The following SCAPER variants were observed in gnomAD, a reference collection of about 807,000 sequenced individuals.
The protein encoded by SCAPER is S phase cyclin A-associated protein in the endoplasmic reticulum.
Under a neutral mutation model 182.2 loss-of-function variants are expected in SCAPER, and 98 were observed. The ratio of observed to expected loss-of-function variants is 0.54; its 90% confidence interval spans 0.46 to 0.64. The LOEUF is 0.64. SCAPER is among the 30% of genes least tolerant of loss of function. The pLI, the probability that SCAPER is intolerant of heterozygous loss-of-function variation, is 0.00. For synonymous variants in SCAPER, 605 were observed against 564.6 expected (o/e 1.07, Z -1.01); for missense variants, 1,432 against 1,690.0 (o/e 0.85, Z 2.68).
intron 21 of SCAPER, among the ~76,000 whole-genome samples, chr15:76,658,530 T>C (rs1002145131): frequency 6.6e-6 from 1 of 152,068 alleles, no homozygotes; most frequent in Non-Finnish European, 1.5e-5. Context: ...AAACTAACAA[T>C]GATATTCTTA....
chr15:76,406,827 G>C lies in SCAPER; in HGVS notation c.3312-2148C>G, dbSNP rs567635518. Among the ~76,000 whole-genome samples, 4 of 152,260 alleles carry C rather than the reference G, an allele frequency of 2.6e-5. No individual in the cohort carries two copies. In the South Asian group the frequency reaches 8.3e-4, roughly 32 times the overall value. ...AGATGCTACCTGCTTGCTAATGCAG[G>C]AGTGAGCATGTGCTTCAGGACAGTC... is the stretch of plus-strand genomic sequence containing the variant. On this transcript the variant is annotated intron_variant, in intron 26 of 31. Coordinates refer to ENST00000563290, the MANE Select transcript of SCAPER (RefSeq NM_020843.4).
chr15:76,558,715 G>A (rs903388684), intron 23 of SCAPER, among the ~76,000 whole-genome samples: 11 of 151,922 alleles, frequency 7.2e-5, no homozygotes, highest in South Asian at 2.1e-4. Context: ...AAAGACACAC[G>A]CACATGTATG....
At chr15:76,418,365 C>T (rs2045801082) in intron 26 of SCAPER, among the ~76,000 whole-genome samples, 1 of 152,192 alleles carries the variant, frequency 6.6e-6, no homozygotes, top group Non-Finnish European at 1.5e-5. Context: ...ACTGCCACCA[C>T]AAATGCCAGC....
At chr15:76,680,701 ACT>A (rs1227680431) in intron 20 of SCAPER, among the ~76,000 whole-genome samples, 5 of 151,280 alleles carry the variant, frequency 3.3e-5, no homozygotes, top group African/African-American at 1.2e-4. Flanking sequence ...CTCCCTCTTC[ACT>A]CTCTTGCTTC....
At chr15:76,442,108 T>C (rs2047656129) in intron 25 of SCAPER, among the ~76,000 whole-genome samples, 1 of 151,994 alleles carries the variant, frequency 6.6e-6, no homozygotes, top group African/African-American at 2.4e-5. Flanking sequence ...TGGGCAAAGG[T>C]GTAAAGTGAA....
intron 23 of SCAPER, among the ~76,000 whole-genome samples, chr15:76,538,686 T>C (rs2044434566): frequency 6.6e-6 from 1 of 151,314 alleles, no homozygotes; most frequent in Non-Finnish European, 1.5e-5. Flanking sequence ...CTGCACATTG[T>C]GCACATGTAC....
chr15:76,371,979 A>C (rs1437806151), intron 29 of SCAPER, among the ~76,000 whole-genome samples: 1 of 151,782 alleles, frequency 6.6e-6, no homozygotes, highest in East Asian at 1.9e-4. Context: ...GCAGTGTCTC[A>C]GCTTCTTAGA....
chr15:76,621,763 C>T lies in SCAPER; in HGVS notation c.2711+1G>A. 6.2e-7 allele frequency: 1 copy of T among 1,604,444 alleles called. No individual in the cohort carries two copies. Reference sequence around the variant, plus strand: ...GGAGAACTAAAATGTGGAATACTCACTTTGCTTTATAAGGTGAATCAGAGC... The same window carrying T: ...GGAGAACTAAAATGTGGAATACTCATTTTGCTTTATAAGGTGAATCAGAGC... On this transcript the variant is annotated splice_donor_variant, in intron 22 of 31. Coordinates refer to ENST00000563290, the MANE Select transcript of SCAPER (RefSeq NM_020843.4). LOFTEE classifies it high-confidence loss of function.
intron 21 of SCAPER, among the ~76,000 whole-genome samples, chr15:76,639,928 T>C (rs1392856562): frequency 6.6e-6 from 1 of 152,190 alleles, no homozygotes; most frequent in Admixed American, 6.5e-5. Flanking sequence ...TTAATCAATA[T>C]CATAGTATTT....
At chr15:76,362,098 GA>G (rs201065317) in intron 29 of SCAPER, among the ~76,000 whole-genome samples, 1,692 of 151,668 alleles carry the variant, frequency 0.011, 36 homozygotes, top group African/African-American at 0.038. Context: ...TCAGCCTCTC[GA>G]GTAGCTGGGA....
rs542146800 is a variant in SCAPER at position 76,813,363 on chromosome 15, T to C, written c.394-8730A>G. Among the ~76,000 whole-genome samples, 25 of 148,544 alleles carry C rather than the reference T, an allele frequency of 1.7e-4. No individual in the cohort carries two copies. In the South Asian group the frequency reaches 3.2e-3, roughly 19 times the overall value. ...TCAACAGTGATCAATATCAACATAA[T>C]AACACTTTTCATCTAAGATCTAGTA... On this transcript the variant is annotated intron_variant, in intron 5 of 31. Transcript: ENST00000563290.
At chr15:76,483,735 A>G (rs1392795746) in intron 24 of SCAPER, among the ~76,000 whole-genome samples, 1 of 152,156 alleles carries the variant, frequency 6.6e-6, no homozygotes, top group East Asian at 1.9e-4. Flanking sequence ...ATTGTAAATA[A>G]TCATAGAAAA....
At chr15:76,789,533 A>G (rs757781627) in intron 8 of SCAPER, among the ~76,000 whole-genome samples, 4 of 152,200 alleles carry the variant, frequency 2.6e-5, no homozygotes, top group Non-Finnish European at 5.9e-5. Context: ...CAGTCAAGAG[A>G]GGAGTATATC....
chr15:76,873,965 C>CTCA (rs1331555720), intron 2 of SCAPER, among the ~76,000 whole-genome samples: 1 of 151,690 alleles, frequency 6.6e-6, no homozygotes, highest in East Asian at 1.9e-4. Flanking sequence ...GCCATCTTGA[C>CTCA]TCACTGCAGC....
chr15:76,569,299 G>A (rs1343995400), intron 23 of SCAPER, among the ~76,000 whole-genome samples: 1 of 152,048 alleles, frequency 6.6e-6, no homozygotes, highest in Non-Finnish European at 1.5e-5. Flanking sequence ...TGTGTCTTTT[G>A]AGATGATATT....
chr15:76,765,272 T>G, intron 13 of SCAPER, 65 bp downstream of exon 13: 1 of 1,300,220 alleles, frequency 7.7e-7, no homozygotes, highest in East Asian at 2.3e-5. Flanking sequence ...CAATTTTATT[T>G]AACAGTCAAG....
intron 23 of SCAPER, among the ~76,000 whole-genome samples, chr15:76,549,462 T>C (rs374675787): frequency 6.6e-6 from 1 of 152,132 alleles, no homozygotes; most frequent in African/African-American, 2.4e-5. Context: ...TGTAGGGACA[T>C]GGACGAAGCT....
intron 22 of SCAPER, among the ~76,000 whole-genome samples, chr15:76,575,696 T>C (rs2047765569): frequency 6.6e-6 from 1 of 152,232 alleles, no homozygotes; most frequent in South Asian, 2.1e-4. Context: ...AGAACATTAC[T>C]ATTTATCCCT....
At chr15:76,619,968 T>G (rs2051868557) in intron 22 of SCAPER, among the ~76,000 whole-genome samples, 10 of 151,934 alleles carry the variant, frequency 6.6e-5, no homozygotes. Context: ...CCCAGCTAGG[T>G]GGGAGGCTGA....
Sources: allele counts gnomAD v4.1 joint callset (sites outside exome capture counted in the v4.1 genomes callset), GRCh38; gene constraint gnomAD v4.1.1; transcripts MANE v1.5; gene names NCBI Gene and HGNC (gene_info 2026-07-23, HGNC 2026-07-21).